SIMC1: variants seen among roughly 807,000 people sequenced by gnomAD.
SIMC1 encodes the protein SUMO interacting motifs containing 1, also known as SUMO-interacting motif-containing protein 1.
A neutral mutation model predicts 82.3 loss-of-function variants in SIMC1; 55 were observed. The observed-to-expected ratio is 0.67, with a 90% confidence interval of 0.54 to 0.84. The LOEUF (loss-of-function observed/expected upper bound fraction) is 0.84. SIMC1 is among the 40% of genes least tolerant of loss of function. The pLI is 0.00. For missense variants in SIMC1, 915 were observed against 1,107.2 expected (o/e 0.83, Z 2.46); for synonymous variants, 353 against 426.3 (o/e 0.83, Z 2.12).
chr5:176,251,023 C>T (rs1314153803), intron 1 of SIMC1, among the ~76,000 whole-genome samples: 7 of 152,004 alleles, frequency 4.6e-5, no homozygotes, highest in African/African-American at 1.4e-4. Context: ...GTTGTTTTGC[C>T]CATTAGTTGA....
At chr5:176,246,072 C>T (rs557574514) in intron 1 of SIMC1, among the ~76,000 whole-genome samples, 26 of 149,612 alleles carry the variant, frequency 1.7e-4, no homozygotes, top group Non-Finnish European at 3.0e-4. Flanking sequence ...TGCAGTGGCA[C>T]GATCTCGGGT....
At chr5:176,298,286 A>G (rs1763905083) in intron 4 of SIMC1, among the ~76,000 whole-genome samples, 1 of 152,208 alleles carries the variant, frequency 6.6e-6, no homozygotes, top group Non-Finnish European at 1.5e-5. Context: ...AAAAGAGTGG[A>G]CCATGCATGC....
Position 176,345,108 on chromosome 5 carries a change from C to T in SIMC1, c.2414-75C>T. 1.3e-6 allele frequency: 2 copies of T among 1,533,450 alleles called. 1 individual carries two copies. The highest frequency in any genetic ancestry group is 2.6e-5 in the South Asian group (2 of 76,056). The allele number at this position is 1,533,450 out of a possible 1,614,324, so 95.0% of individuals were successfully genotyped here. A position where few individuals can be genotyped will look rare whatever the true frequency, so the allele number is the denominator to read the frequency against. On this transcript the variant is annotated intron_variant, in intron 9 of 9. Coordinates refer to ENST00000429602, the MANE Select transcript of SIMC1 (RefSeq NM_001308195.2). Reference sequence around the variant, plus strand: ...CAGCAAGTCTTTGCCAAGACTCTACCTACCAAAATTAGACTTCTTAAAAAG... The same window carrying T: ...CAGCAAGTCTTTGCCAAGACTCTACTTACCAAAATTAGACTTCTTAAAAAG...
chr5:176,329,589 G>T (rs1765545991), intron 7 of SIMC1, among the ~76,000 whole-genome samples: 1 of 151,030 alleles, frequency 6.6e-6, no homozygotes, highest in Non-Finnish European at 1.5e-5. Flanking sequence ...CATCCTCCCA[G>T]CTACTGGCAA....
intron 4 of SIMC1, among the ~76,000 whole-genome samples, chr5:176,303,301 AAAGGACACC>A (rs1764123036): frequency 6.7e-6 from 1 of 149,958 alleles, no homozygotes; most frequent in Non-Finnish European, 1.5e-5. Flanking sequence ...GGTATCTTGC[AAAGGACACC>A]AAATAGCCAA....
At chr5:176,324,907 G>A (rs1765312119) in intron 7 of SIMC1, 150 bp downstream of exon 7, 3 of 908,462 alleles carry the variant, frequency 3.3e-6, no homozygotes, top group Non-Finnish European at 4.8e-6. Context: ...AATTAAGATA[G>A]GAAGAAAATA....
At chr5:176,308,077 G>T in intron 4 of SIMC1, 1 of 727,154 alleles carries the variant, frequency 1.4e-6, no homozygotes, top group Non-Finnish European at 2.5e-6. Context: ...CAGTGCAGGT[G>T]GTGCAGGCGG....
intron 1 of SIMC1, among the ~76,000 whole-genome samples, chr5:176,242,408 A>G (rs1396750493): frequency 6.6e-6 from 1 of 151,880 alleles, no homozygotes; most frequent in Admixed American, 6.6e-5. Context: ...ACTTTGTATA[A>G]TAGATTTGTG....
intron 4 of SIMC1, among the ~76,000 whole-genome samples, chr5:176,306,351 A>G (rs368569650): frequency 2.9e-5 from 4 of 136,644 alleles, no homozygotes; most frequent in African/African-American, 1.0e-4. Context: ...ACCTCTGCCC[A>G]GCCGCCCCTA....
intron 5 of SIMC1, among the ~76,000 whole-genome samples, chr5:176,315,340 C>T (rs1764850612): frequency 6.6e-6 from 1 of 152,252 alleles, no homozygotes; most frequent in African/African-American, 2.4e-5. Context: ...AGAACTCACT[C>T]GTTACCATGA....
intron 7 of SIMC1, among the ~76,000 whole-genome samples, chr5:176,327,693 T>C (rs1436320664): frequency 6.6e-6 from 1 of 152,196 alleles, no homozygotes; most frequent in Non-Finnish European, 1.5e-5. Context: ...ACATTCAGTT[T>C]TTGACTATTA....
intron 4 of SIMC1, among the ~76,000 whole-genome samples, chr5:176,304,875 G>A (rs1329015078): frequency 2.7e-5 from 4 of 147,496 alleles, no homozygotes; most frequent in African/African-American, 7.5e-5. Context: ...CTGCCTGGCC[G>A]AGACCCCGTC....
chr5:176,298,619 T>C, intron 4 of SIMC1, among the ~76,000 whole-genome samples: 1 of 152,200 alleles, frequency 6.6e-6, no homozygotes, highest in Non-Finnish European at 1.5e-5. Context: ...AGCAAGACTC[T>C]GTCTCAAAAA....
chr5:176,315,795 A>G (rs1196898902), intron 5 of SIMC1, among the ~76,000 whole-genome samples: 1 of 152,150 alleles, frequency 6.6e-6, no homozygotes, highest in East Asian at 1.9e-4. Flanking sequence ...TATTTTTTCT[A>G]AAGATTAAAT....
intron 1 of SIMC1, among the ~76,000 whole-genome samples, chr5:176,288,975 C>G (rs567442922): frequency 6.6e-6 from 1 of 152,136 alleles, no homozygotes; most frequent in African/African-American, 2.4e-5. Flanking sequence ...TTACTTAGGG[C>G]TCAGACTTAC....
chr5:176,280,301 G>C (rs1388575736), intron 1 of SIMC1, among the ~76,000 whole-genome samples: 1 of 152,068 alleles, frequency 6.6e-6, no homozygotes, highest in East Asian at 1.9e-4. Context: ...TGCAACCCCT[G>C]CCTTTTTTTT....
At chr5:176,344,632 A>G (rs557429086) in intron 9 of SIMC1, among the ~76,000 whole-genome samples, 1 of 152,332 alleles carries the variant, frequency 6.6e-6, no homozygotes, top group African/African-American at 2.4e-5. Flanking sequence ...AAGGGGAAGC[A>G]GACACGTTTT....
chr5:176,275,204 T>G (rs1436176497), intron 1 of SIMC1, among the ~76,000 whole-genome samples: 2 of 151,370 alleles, frequency 1.3e-5, no homozygotes, highest in Admixed American at 6.6e-5. Flanking sequence ...CCCTTGTAAG[T>G]TGGATTCCTA....
chr5:176,312,536 CAAAAAAAAAAAA>C (rs10551875), intron 4 of SIMC1, among the ~76,000 whole-genome samples: 3 of 70,022 alleles, frequency 4.3e-5, no homozygotes, highest in African/African-American at 1.7e-4. Flanking sequence ...GACTCCATCT[CAAAAAAAAAAAA>C]AAAAAAAAAA....
Sources: gnomAD v4.1 joint callset for allele counts (sites outside exome capture counted in the v4.1 genomes callset) on GRCh38, gnomAD v4.1.1 for gene constraint, MANE v1.5 for transcripts, NCBI Gene and HGNC (gene_info 2026-07-23, HGNC 2026-07-21) for gene names.